BAZ1A: variants seen among roughly 807,000 people sequenced by gnomAD.
The protein encoded by BAZ1A is bromodomain adjacent to zinc finger domain protein 1A.
A neutral mutation model predicts 185.2 loss-of-function variants in BAZ1A; 50 were observed. The observed-to-expected ratio is 0.27, with a 90% CI of 0.22 to 0.34. The LOEUF (loss-of-function observed/expected upper bound fraction) is 0.34, where lower values mean the gene tolerates loss of function less well. BAZ1A is among the 10% of genes least tolerant of loss of function. The pLI is 1.00. For missense variants in BAZ1A, 1,356 were observed against 1,839.9 expected (o/e 0.74, Z 4.81); for synonymous variants, 571 against 615.6 (o/e 0.93, Z 1.07).
At chr14:34,873,911 G>A (rs1274986526) in intron 2 of BAZ1A, among the ~76,000 whole-genome samples, 1 of 152,060 alleles carries the variant, frequency 6.6e-6, no homozygotes, top group Admixed American at 6.5e-5. Context: ...CCGTAGGGAC[G>A]CCCCCTCCTT....
intron 4 of BAZ1A, among the ~76,000 whole-genome samples, chr14:34,825,532 G>A (rs992899727): frequency 4.0e-5 from 6 of 150,706 alleles, no homozygotes; most frequent in Non-Finnish European, 8.8e-5. Context: ...GCTGAGTAGC[G>A]TGAACTAGGA....
chr14:34,785,625 A>G (rs1464533206), intron 14 of BAZ1A, 152 bp downstream of exon 14: 3 of 633,204 alleles, frequency 4.7e-6, no homozygotes. Context: ...ACAATCATAA[A>G]TAAAGTTAAT....
rs1886531614 is a variant in BAZ1A, at chr14:34,761,814, T to G, written c.4186A>C (p.Lys1396Gln). 3 of 1,614,222 alleles carry G rather than the reference T, an allele frequency of 1.9e-6. No homozygotes were observed. Among genetic ancestry groups the G allele is most frequent in the Non-Finnish European group, 2.5e-6 (3 of 1,180,032 alleles). ...EQSRSVNIAS[K>Q]LSLQESESKR... is the part of the protein sequence containing the mutation. ...GATTCACTCTCTTGGAGAGAAAGTT[T>G]TGAAGCAATATTTACAGATCTTGAC... The change falls in exon 24 of 27, where the codon AAA (lysine) becomes CAA (glutamine). Residue 1396 changes from lysine (K) to glutamine (Q), a missense_variant. Around this residue, in one of 7 missense-constraint regions of BAZ1A, gnomAD observed 309 missense variants for 355.3 expected, o/e 0.87. Transcript: ENST00000360310.
At chr14:34,844,184 C>G (rs1188966503) in intron 3 of BAZ1A, among the ~76,000 whole-genome samples, 1 of 130,568 alleles carries the variant, frequency 7.7e-6, no homozygotes, top group East Asian at 2.3e-4. Context: ...CCAGCCTGGG[C>G]GACAGAGCGA....
intron 5 of BAZ1A, among the ~76,000 whole-genome samples, chr14:34,809,155 C>G (rs1286297089): frequency 6.6e-6 from 1 of 152,090 alleles, no homozygotes; most frequent in Non-Finnish European, 1.5e-5. Flanking sequence ...AATGCAAATA[C>G]TACACCATTT....
chr14:34,807,857 G>C (rs1050431608), intron 5 of BAZ1A, among the ~76,000 whole-genome samples: 2 of 152,162 alleles, frequency 1.3e-5, no homozygotes, highest in Non-Finnish European at 2.9e-5. Context: ...TGTAATCCCA[G>C]CACTTTGCGA....
chr14:34,789,901 T>G (rs1350948799), intron 12 of BAZ1A, among the ~76,000 whole-genome samples: 1 of 152,228 alleles, frequency 6.6e-6, no homozygotes, highest in Non-Finnish European at 1.5e-5. Context: ...TTGCTTGAAC[T>G]TGTATCCCAT....
Position 34,874,398 on chromosome 14 carries a change from A to C in BAZ1A, c.113+94T>G. On this transcript the variant is annotated intron_variant, in intron 2 of 26. Coordinates refer to ENST00000360310, the MANE Select transcript of BAZ1A (RefSeq NM_013448.3). This position sits in a 1 kb window ranked among gnomAD's most constrained non-coding sequence, Gnocchi z 4.7. Reference sequence around the variant, plus strand: ...CCCGTCACTTTCAAGTCGCCCCGCCAGAAGCCCAGGGCGAGGAAAAGGAGA... The same window carrying C: ...CCCGTCACTTTCAAGTCGCCCCGCCCGAAGCCCAGGGCGAGGAAAAGGAGA... The C allele has an allele frequency of 8.1e-7, 1 of 1,237,822 alleles. No individual in the cohort carries two copies. Among genetic ancestry groups the C allele is most frequent in the Non-Finnish European group, 1.2e-6 (1 of 859,360 alleles). The allele number at this position is 1,237,822 out of a possible 1,614,324, so 76.7% of individuals were successfully genotyped here.
At chr14:34,847,964 A>G (rs946229801) in intron 3 of BAZ1A, among the ~76,000 whole-genome samples, 1 of 151,998 alleles carries the variant, frequency 6.6e-6, no homozygotes, top group East Asian at 1.9e-4. Flanking sequence ...GGCTCTAGCA[A>G]TCTTCCCACC....
intron 14 of BAZ1A, among the ~76,000 whole-genome samples, chr14:34,784,509 T>G (rs887349409): frequency 2.6e-5 from 4 of 151,182 alleles, no homozygotes; most frequent in Admixed American, 2.0e-4. Context: ...GGTTTTCAAG[T>G]TTTTTTTTGT....
Position 34,753,318 on chromosome 14 carries a change from C to A in BAZ1A, c.*190G>T, listed in dbSNP as rs538423491. On this transcript the variant is annotated 3_prime_UTR_variant, in exon 27 of 27. Coordinates refer to ENST00000360310, the MANE Select transcript of BAZ1A (RefSeq NM_013448.3). ...ATACATCTATCAAACTTATTAGATA[C>A]TGAACAAAACTGTAGCAAAGGATAT... 4 of 588,418 alleles carry A rather than the reference C, an allele frequency of 6.8e-6. No homozygotes were observed. The highest frequency in any genetic ancestry group is 1.2e-5 in the Non-Finnish European group (4 of 340,828). 36.4% of individuals were successfully genotyped at this position (588,418 alleles called of 1,614,324 possible). A position where few individuals can be genotyped will look rare whatever the true frequency, so the allele number is the denominator to read the frequency against.
chr14:34,875,014 GCCGGCCGGCCAGC>G (rs982930620), intron 1 of BAZ1A, 111 bp downstream of exon 1: 13 of 162,812 alleles, frequency 8.0e-5, no homozygotes, highest in Non-Finnish European at 1.6e-4. Context: ...CGCGCAGCTG[GCCGGCCGGCCAGC>G]CCAACGCCGC....
At chr14:34,759,175 T>TG (rs1303096955) in intron 24 of BAZ1A, among the ~76,000 whole-genome samples, 3 of 48,486 alleles carry the variant, frequency 6.2e-5, no homozygotes, top group East Asian at 5.1e-4. Context: ...GCTACAGTTT[T>TG]TTTTTTTTTT....
At chr14:34,825,877 G>C in intron 4 of BAZ1A, 136 bp downstream of exon 4, 1 of 782,276 alleles carries the variant, frequency 1.3e-6, no homozygotes, top group South Asian at 2.1e-5. Context: ...GGTGGAAGTT[G>C]CAGTGAGCTG....
At chr14:34,844,216 AAAAAAAAAAAAAAAAAG>A (rs1467332559) in intron 3 of BAZ1A, among the ~76,000 whole-genome samples, 1 of 29,574 alleles carries the variant, frequency 3.4e-5, no homozygotes, top group East Asian at 6.9e-4. Context: ...AAAAAAAAAA[AAAAAAAAAAAAAAAAAG>A]AATGGTTTAA....
chr14:34,809,736 AAAGTAT>A (rs2041903131), intron 5 of BAZ1A, among the ~76,000 whole-genome samples: 1 of 152,168 alleles, frequency 6.6e-6, no homozygotes, highest in East Asian at 1.9e-4. Flanking sequence ...AATTATATTT[AAAGTAT>A]AAGTCAAAAA....
intron 2 of BAZ1A, among the ~76,000 whole-genome samples, chr14:34,866,075 C>T (rs1050941676): frequency 2.0e-5 from 3 of 152,138 alleles, no homozygotes; most frequent in Non-Finnish European, 4.4e-5. Context: ...ATAGTCCTTG[C>T]TACTCAGGAG....
chr14:34,777,234 T>C (rs924655730), intron 17 of BAZ1A, among the ~76,000 whole-genome samples: 3 of 152,252 alleles, frequency 2.0e-5, no homozygotes, highest in Non-Finnish European at 2.9e-5. Context: ...ACAGGCAACA[T>C]GCAGACAATG....
chr14:34,762,264 A>G (rs748836448), intron 23 of BAZ1A, 41 bp from the exon 24 acceptor site: 2 of 1,556,254 alleles, frequency 1.3e-6, no homozygotes, highest in Admixed American at 1.8e-5. Context: ...GTACAGAGCA[A>G]TGATGAACAT....
Sources: gnomAD v4.1 joint callset for allele counts (sites outside exome capture counted in the v4.1 genomes callset) on GRCh38, gnomAD v4.1.1 for gene constraint, gnomAD v4.1.1 regional missense constraint, Gnocchi (gnomAD v3.1) non-coding constraint, MANE v1.5 for transcripts, NCBI Gene and HGNC (gene_info 2026-07-23, HGNC 2026-07-21) for gene names.